The following ASXL1 variants were observed in gnomAD, a reference collection of about 807,000 sequenced individuals.
ASXL1 encodes polycomb group protein ASXL1.
ASXL1 carries 65 observed loss-of-function variants against 89.1 expected under a neutral mutation model. The observed-to-expected ratio is 0.73, with a 90% CI of 0.60 to 0.90. The LOEUF is 0.90. Ranked by LOEUF, ASXL1 falls within the 40% of genes least tolerant of loss-of-function variation. ASXL1 has a pLI of 0.00. For missense variants in ASXL1, 1,786 were observed against 1,942.9 expected (o/e 0.92, Z 1.52); for synonymous variants, 739 against 746.9 (o/e 0.99, Z 0.17).
Position 32,378,447 on chromosome 20 carries a change from C to T in ASXL1, c.252+9324C>T, listed in dbSNP as rs187483934. ...CTTGGAGTTTTGGATTAGGGATGCTCAGCCTGTACATTTGACAGTTTATTT... is the reference window on the plus strand; with the variant it reads ...CTTGGAGTTTTGGATTAGGGATGCTTAGCCTGTACATTTGACAGTTTATTT... On this transcript the variant is annotated intron_variant, in intron 4 of 12. Coordinates refer to ENST00000375687, the MANE Select transcript of ASXL1 (RefSeq NM_015338.6). 6.8e-4 allele frequency among the ~76,000 whole-genome samples: 104 copies of T among 152,238 alleles called. 1 individual carries two copies. In the East Asian group the frequency reaches 0.02, roughly 29 times the overall value.
chr20:32,361,633 CA>C (rs11475139), intron 1 of ASXL1, among the ~76,000 whole-genome samples: 85,092 of 102,302 alleles, frequency 0.83, 34,595 homozygotes, highest in South Asian at 0.91. Flanking sequence ...AGACTCGTCT[CA>C]AAAAAAAAAA....
Position 32,385,160 on chromosome 20 carries a change from C to T in ASXL1, c.252+16037C>T, listed in dbSNP as rs1055863423. Among the ~76,000 whole-genome samples the T allele has an allele frequency of 9.9e-5, 15 of 152,274 alleles. No individual in the cohort carries two copies. In the South Asian group the frequency reaches 2.3e-3, roughly 23 times the overall value. On this transcript the variant is annotated intron_variant, in intron 4 of 12. Transcript: ENST00000375687. Reference sequence around the variant, plus strand: ...GAGTGCTAACTGTATTCCAGACAGACGTTATACTCCTTATATTGGTCCTTT... The same window carrying T: ...GAGTGCTAACTGTATTCCAGACAGATGTTATACTCCTTATATTGGTCCTTT...
chr20:32,436,329 C>T lies in ASXL1; in HGVS notation c.3617C>T (p.Ala1206Val), dbSNP rs2011871080. 44 of 1,614,000 alleles carry T rather than the reference C, an allele frequency of 2.7e-5. No individual in the cohort carries two copies. Among genetic ancestry groups the T allele is most frequent in the Non-Finnish European group, 3.6e-5 (43 of 1,180,032 alleles). Residue 1206 changes from alanine to valine, a missense_variant, in exon 13 of 13, where the codon GCA (alanine) becomes GTA (valine). Ala to Val is a moderately conservative substitution (Grantham distance 64). This residue lies in a region of ASXL1 where 1,418 missense variants were observed against 1,427.8 expected (regional missense o/e 0.99). Transcript: ENST00000375687. ...APGAPQKNCKAVPSFDSLHPV... is the reference protein window; with the variant it reads ...APGAPQKNCKVVPSFDSLHPV... ...GGAGCACCCCAAAAGAATTGCAAGGCAGTCCCAAGTTTTGACTCCCTCCAT... is the reference window on the plus strand; with the variant it reads ...GGAGCACCCCAAAAGAATTGCAAGGTAGTCCCAAGTTTTGACTCCCTCCAT...
In ASXL1 at chr20:32,429,728, A is replaced by G; in HGVS notation, c.566-173A>G. ...ATGGCAGTTTGGCACCTGTAAGGTG[A>G]TATTTTAAAGCCAGACCATGAAGTG... On this transcript the variant is annotated intron_variant, in intron 7 of 12. Coordinates refer to ENST00000375687, the MANE Select transcript of ASXL1 (RefSeq NM_015338.6). This position sits in a 1 kb window ranked among gnomAD's most constrained non-coding sequence, Gnocchi z 4.9. The G allele has an allele frequency of 1.1e-6, 1 of 929,578 alleles. No individual in the cohort carries two copies. Among genetic ancestry groups the G allele is most frequent in the East Asian group, 2.5e-5 (1 of 39,850 alleles). 57.6% of individuals were successfully genotyped at this position (929,578 alleles called of 1,614,324 possible).
chr20:32,395,872 C>T (rs1214421783), intron 4 of ASXL1, among the ~76,000 whole-genome samples: 1 of 152,112 alleles, frequency 6.6e-6, no homozygotes, highest in Admixed American at 6.6e-5. Context: ...GATCTTGGCT[C>T]GCTGCAACCT....
At chr20:32,424,657 A>C (rs552584919) in intron 4 of ASXL1, among the ~76,000 whole-genome samples, 5 of 152,352 alleles carry the variant, frequency 3.3e-5, no homozygotes, top group Non-Finnish European at 7.3e-5. Context: ...AGATGATAGA[A>C]TCATACTGTA....
At chr20:32,411,537 T>C (rs1348109015) in intron 4 of ASXL1, among the ~76,000 whole-genome samples, 3 of 32,572 alleles carry the variant, frequency 9.2e-5, no homozygotes, top group East Asian at 1.3e-3. Flanking sequence ...CATGGATTCC[T>C]TTTTTTTTTT....
chr20:32,428,373 A>G lies in ASXL1; in HGVS notation c.422A>G (p.Gln141Arg). 1 of 1,613,866 alleles carries G rather than the reference A, an allele frequency of 6.2e-7. No individual in the cohort carries two copies. Among genetic ancestry groups the G allele is most frequent in the Non-Finnish European group, 8.5e-7 (1 of 1,179,798 alleles). ...SSNASCSTES[Q>R]SRPLSNPRDS... ...AACGCATCCTGTTCTACAGAATCTC[A>G]GAGTCGACCTCTTTCCAATCCCAGG... Residue 141 changes from glutamine (Q) to arginine (R), a missense_variant, in exon 6 of 13, where the codon CAG (glutamine) becomes CGG (arginine). By Grantham distance (43) the Gln-to-Arg change is conservative (BLOSUM62 1). Transcript: ENST00000375687.
chr20:32,373,199 A>G (rs1231932263), intron 4 of ASXL1, among the ~76,000 whole-genome samples: 1 of 151,474 alleles, frequency 6.6e-6, no homozygotes, highest in Admixed American at 6.6e-5. Flanking sequence ...CAACATGGCG[A>G]AACCCCGTCT....
intron 4 of ASXL1, among the ~76,000 whole-genome samples, chr20:32,417,450 T>G (rs971125577): frequency 2.0e-5 from 3 of 152,200 alleles, no homozygotes; most frequent in African/African-American, 7.2e-5. Flanking sequence ...TTCCTTTTCT[T>G]TCGTTGACAT....
At chr20:32,410,724 A>G (rs1213727300) in intron 4 of ASXL1, among the ~76,000 whole-genome samples, 1 of 151,916 alleles carries the variant, frequency 6.6e-6, no homozygotes, top group Non-Finnish European at 1.5e-5. Context: ...AAGGATTCCT[A>G]CCTAAAACAG....
chr20:32,365,994 A>G (rs2048198014), intron 1 of ASXL1, among the ~76,000 whole-genome samples: 1 of 152,130 alleles, frequency 6.6e-6, no homozygotes, highest in Non-Finnish European at 1.5e-5. Flanking sequence ...GTGTGTATAT[A>G]TATATACTAA....
At position 32,434,610 on chromosome 20, in the gene ASXL1, A is replaced by G. The variant is rs201280462; in HGVS notation, c.1898A>G (p.His633Arg). The G allele has an allele frequency of 1.3e-4, 205 of 1,611,454 alleles. No individual in the cohort carries two copies. In the African/African-American group the frequency reaches 2.1e-3, roughly 16 times the overall value. ...QVRGARGHHC[H>R]REAATTAIGG... is the part of the protein sequence containing the mutation. ...CGAGGGGCGAGAGGTCACCACTGCC[A>G]TAGAGAGGCGGCCACCACTGCCATC... Residue 633 changes from histidine (H) to arginine (R), a missense_variant, in exon 13 of 13, where the codon CAT becomes CGT. His to Arg is a conservative substitution (Grantham distance 29). This residue lies in a region of ASXL1 where 1,418 missense variants were observed against 1,427.8 expected (regional missense o/e 0.99). Transcript: ENST00000375687.
chr20:32,420,775 C>G (rs1470003037), intron 4 of ASXL1, among the ~76,000 whole-genome samples: 1 of 151,908 alleles, frequency 6.6e-6, no homozygotes, highest in East Asian at 1.9e-4. Context: ...ATCCCTACAA[C>G]TACAGTTTTT....
intron 4 of ASXL1, among the ~76,000 whole-genome samples, chr20:32,400,227 A>G (rs1343627895): frequency 3.3e-5 from 5 of 151,966 alleles, no homozygotes; most frequent in African/African-American, 7.2e-5. Context: ...GCAATTGACT[A>G]TTCTCTTTAG....
At chr20:32,410,083 C>G (rs1177112260) in intron 4 of ASXL1, among the ~76,000 whole-genome samples, 1 of 152,086 alleles carries the variant, frequency 6.6e-6, no homozygotes, top group African/African-American at 2.4e-5. Flanking sequence ...ACCTGTTTGT[C>G]TGATTTCTGA....
intron 4 of ASXL1, among the ~76,000 whole-genome samples, chr20:32,422,035 AT>A (rs760163749): frequency 0.02 from 2,728 of 135,092 alleles, 74 homozygotes; most frequent in African/African-American, 0.062. Flanking sequence ...CTCCTGGCTA[AT>A]TTTTTTTTTT....
intron 4 of ASXL1, among the ~76,000 whole-genome samples, chr20:32,398,603 G>GTTTTTTTTTTTGTTTT (rs2048810680): frequency 4.7e-5 from 6 of 126,440 alleles, no homozygotes; most frequent in African/African-American, 1.6e-4. Flanking sequence ...TTTTTTGTTT[G>GTTTTTTTTTTTGTTTT]TTTTTTTTTT....
chr20:32,401,452 C>T (rs1236849927), intron 4 of ASXL1, among the ~76,000 whole-genome samples: 1 of 151,734 alleles, frequency 6.6e-6, no homozygotes, highest in Admixed American at 6.6e-5. Flanking sequence ...CAGTAGTCCC[C>T]GTTATCTGTG....
Sources: allele counts gnomAD v4.1 joint callset (sites outside exome capture counted in the v4.1 genomes callset), GRCh38; gene constraint gnomAD v4.1.1; regional missense constraint gnomAD v4.1.1; non-coding constraint Gnocchi (gnomAD v3.1); transcripts MANE v1.5; gene names NCBI Gene and HGNC (gene_info 2026-07-23, HGNC 2026-07-21).